The following ZNF746 variants were observed in gnomAD, a reference collection of about 807,000 sequenced individuals.
ZNF746 encodes the protein parkin-interacting substrate.
In ZNF746, 13 loss-of-function variants were observed where a neutral mutation model predicts 41.0. The observed-to-expected ratio is 0.32, with a 90% CI of 0.21 to 0.50. The LOEUF (loss-of-function observed/expected upper bound fraction) is 0.50, where lower values mean the gene tolerates loss of function less well. Ranked by LOEUF, ZNF746 falls within the 20% of genes least tolerant of loss-of-function variation. The probability of loss-of-function intolerance (pLI) is 0.98; values close to 1 mark genes in which losing one functional copy is unlikely to be tolerated. For synonymous variants in ZNF746, 424 were observed against 396.2 expected (o/e 1.07, Z -0.83); for missense variants, 811 against 922.9 (o/e 0.88, Z 1.57).
rs1563246858 is a variant in ZNF746, at chr7:149,474,494, CA to C, written c.1872del (p.Asp625IlefsTer18). On this transcript the variant is annotated frameshift_variant, in exon 7 of 7. Transcript: ENST00000458143. LOFTEE classifies it high-confidence loss of function. This position sits in a 1 kb window ranked among gnomAD's most constrained non-coding sequence, Gnocchi z 6.3. ...GQPLPTPPAP[P>X]DPFKSPASKG... ...TTGGAGGCGGGGCTCTTGAAGGGAT[CA>C]GGAGGTGCGGGCGGCGTCGGGAGTG... 6.2e-7 allele frequency: 1 copy of C among 1,610,440 alleles called. No homozygotes were observed. Among genetic ancestry groups the C allele is most frequent in the Admixed American group, 1.7e-5 (1 of 59,444 alleles).
chr7:149,475,959 T>C (rs1451377238), intron 6 of ZNF746, among the ~76,000 whole-genome samples: 1 of 152,236 alleles, frequency 6.6e-6, no homozygotes, highest in Non-Finnish European at 1.5e-5. Flanking sequence ...TAGTGAGCTA[T>C]TTGACATGCA....
At chr7:149,482,442 A>G (rs1174584989) in intron 4 of ZNF746, among the ~76,000 whole-genome samples, 1 of 151,686 alleles carries the variant, frequency 6.6e-6, no homozygotes, top group African/African-American at 2.4e-5. Context: ...TAGTAAACTA[A>G]CCAGGAAGAT....
Position 149,497,253 on chromosome 7 carries a change from G to C in ZNF746, c.24+260C>G, listed in dbSNP as rs1801035598. 1.0e-6 allele frequency: 1 copy of C among 984,848 alleles called. No individual in the cohort carries two copies. Among genetic ancestry groups the C allele is most frequent in the Non-Finnish European group, 1.2e-6 (1 of 829,540 alleles). The allele number at this position is 984,848 out of a possible 1,614,324, so 61.0% of individuals were successfully genotyped here. Reference sequence around the variant, plus strand: ...TGGGGCGGGGGCAGGAAGCCCCGGAGGGCCCAAAGAACTTGGCGTGGGGCG... The same window carrying C: ...TGGGGCGGGGGCAGGAAGCCCCGGACGGCCCAAAGAACTTGGCGTGGGGCG... On this transcript the variant is annotated intron_variant, in intron 1 of 6. Transcript: ENST00000458143. This position sits in a 1 kb window ranked among gnomAD's most constrained non-coding sequence, Gnocchi z 4.2.
At chr7:149,476,809 A>G (rs1050667806) in intron 6 of ZNF746, 113 bp downstream of exon 6, 13 of 1,430,350 alleles carry the variant, frequency 9.1e-6, no homozygotes, top group Non-Finnish European at 1.1e-5. Flanking sequence ...AGACACCCTA[A>G]TGTCTGTTGG....
In ZNF746 at chr7:149,497,318, C is replaced by G. The variant is rs1801039998; in HGVS notation, c.24+195G>C. 1 of 984,826 alleles carries G rather than the reference C, an allele frequency of 1.0e-6. No homozygotes were observed. The highest frequency in any genetic ancestry group is 1.7e-5 in the African/African-American group (1 of 57,188). 61.0% of individuals were successfully genotyped at this position (984,826 alleles called of 1,614,324 possible). On this transcript the variant is annotated intron_variant, in intron 1 of 6. Coordinates refer to ENST00000458143, the MANE Select transcript of ZNF746 (RefSeq NM_001394198.1). The surrounding 1 kb of genome is among the most constrained non-coding windows in gnomAD (Gnocchi z 4.2). Reference sequence around the variant, plus strand: ...CAACCGTTCCGCCAGCGCTCGGGTTCGGCTCGGAGTGGGGGCCCGGCCGAC... The same window carrying G: ...CAACCGTTCCGCCAGCGCTCGGGTTGGGCTCGGAGTGGGGGCCCGGCCGAC...
At chr7:149,492,783 C>T (rs1800846728) in intron 4 of ZNF746, 76 bp downstream of exon 4, 1 of 1,022,822 alleles carries the variant, frequency 9.8e-7, no homozygotes, top group Admixed American at 2.0e-5. Context: ...CTGGAAAGAT[C>T]ACACCCTTTC....
rs1206304576 is a variant in ZNF746 at position 149,497,471 on chromosome 7, GC to G, written c.24+41del. 19 of 1,083,426 alleles carry G rather than the reference GC, an allele frequency of 1.8e-5. No homozygotes were observed. Among genetic ancestry groups the G allele is most frequent in the South Asian group, 4.1e-5 (1 of 24,138 alleles). The allele number at this position is 1,083,426 out of a possible 1,614,324, so 67.1% of individuals were successfully genotyped here. A position where few individuals can be genotyped will look rare whatever the true frequency, so the allele number is the denominator to read the frequency against. On this transcript the variant is annotated intron_variant, in intron 1 of 6. Transcript: ENST00000458143. The surrounding 1 kb of genome is among the most constrained non-coding windows in gnomAD (Gnocchi z 4.2). ...GTGTGCCGGGGCCGGGCCGCCTGGGGCCCCCAGGCCGCGAGTCCCTGCGCGC... is the reference window on the plus strand; with the variant it reads ...GTGTGCCGGGGCCGGGCCGCCTGGGGCCCCAGGCCGCGAGTCCCTGCGCGC...
At chr7:149,492,477 TAG>T (rs1226351036) in intron 4 of ZNF746, among the ~76,000 whole-genome samples, 3 of 152,344 alleles carry the variant, frequency 2.0e-5, no homozygotes, top group Non-Finnish European at 2.9e-5. Flanking sequence ...GTTAACTTTT[TAG>T]AGAGTCAAAA....
At position 149,497,516 on chromosome 7, in the gene ZNF746, A is replaced by G; in HGVS notation, c.21T>C (p.Ala7=). The change falls in exon 1 of 7, where the codon GCT becomes GCC. Residue 7 remains alanine, a synonymous_variant. Transcript: ENST00000458143. The surrounding 1 kb of genome is among the most constrained non-coding windows in gnomAD (Gnocchi z 4.2). MAEAVA[A]PISPWTMAAT... is the part of the protein sequence containing the mutation. ...TGCGCGCGCGGGTCGCCCTTACCGG[A>G]GCCGCGACCGCCTCGGCCATGGCCC... 9.1e-7 allele frequency: 1 copy of G among 1,102,342 alleles called. No homozygotes were observed. The highest frequency in any genetic ancestry group is 1.1e-6 in the Non-Finnish European group (1 of 907,808). The allele number at this position is 1,102,342 out of a possible 1,614,324, so 68.3% of individuals were successfully genotyped here.
chr7:149,487,198 T>A (rs569588192), intron 4 of ZNF746, among the ~76,000 whole-genome samples: 3 of 152,148 alleles, frequency 2.0e-5, no homozygotes, highest in Non-Finnish European at 4.4e-5. Context: ...CGGTCCCCCA[T>A]TGGTGGAAAA....
At chr7:149,479,581 G>C (rs556337322) in intron 4 of ZNF746, among the ~76,000 whole-genome samples, 1 of 152,162 alleles carries the variant, frequency 6.6e-6, no homozygotes, top group Non-Finnish European at 1.5e-5. Flanking sequence ...AGAGCTCAAG[G>C]ATAACACTAG....
intron 4 of ZNF746, chr7:149,488,363 G>T (rs1800687889): frequency 2.0e-5 from 3 of 152,086 alleles, no homozygotes. Context: ...TACAGAAAAA[G>T]CACAGATCAT....
intron 4 of ZNF746, among the ~76,000 whole-genome samples, chr7:149,483,851 A>G (rs1447450926): frequency 6.6e-6 from 1 of 152,220 alleles, no homozygotes; most frequent in Non-Finnish European, 1.5e-5. Context: ...TGGGAGAGAC[A>G]GCACCAATAA....
chr7:149,478,824 G>A (rs1563250428), intron 4 of ZNF746, among the ~76,000 whole-genome samples: 2 of 152,184 alleles, frequency 1.3e-5, no homozygotes, highest in African/African-American at 2.4e-5. Context: ...GAAAAAGGCA[G>A]ATTTGAAAAA....
chr7:149,477,805 T>C, intron 4 of ZNF746, 50 bp from the exon 5 acceptor site: 1 of 1,478,416 alleles, frequency 6.8e-7, no homozygotes, highest in Admixed American at 2.0e-5. Context: ...CCCTCAGCCC[T>C]GGGGCATACA....
chr7:149,496,892 C>T, intron 1 of ZNF746: 1 of 985,436 alleles, frequency 1.0e-6, no homozygotes, highest in African/African-American at 1.7e-5. Flanking sequence ...TTCACACTTT[C>T]CAGCTGGGTA....
Position 149,477,771 on chromosome 7 carries a change from A to G in ZNF746, c.566-16T>C. On this transcript the variant is annotated splice_polypyrimidine_tract_variant and intron_variant, in intron 4 of 6. Transcript: ENST00000458143. ...GGCCCCGAGCCTAGGAAAGGGAGTG[A>G]GTGTGAGGATACAGCATCACGGCCC... 1 of 1,591,670 alleles carries G rather than the reference A, an allele frequency of 6.3e-7. No individual in the cohort carries two copies. The highest frequency in any genetic ancestry group is 1.1e-5 in the South Asian group (1 of 89,394).
intron 1 of ZNF746, among the ~76,000 whole-genome samples, chr7:149,495,377 T>C (rs748754738): frequency 1.3e-5 from 2 of 152,194 alleles, no homozygotes; most frequent in Non-Finnish European, 1.5e-5. Context: ...ACAGTTAGAC[T>C]TGTATATGGA....
At chr7:149,484,382 A>G (rs1236106374) in intron 4 of ZNF746, among the ~76,000 whole-genome samples, 1 of 152,242 alleles carries the variant, frequency 6.6e-6, no homozygotes, top group Admixed American at 6.5e-5. Flanking sequence ...TCAACATTAG[A>G]AAGTAACATA....
Sources: allele counts gnomAD v4.1 joint callset (sites outside exome capture counted in the v4.1 genomes callset), GRCh38; gene constraint gnomAD v4.1.1; non-coding constraint Gnocchi (gnomAD v3.1); transcripts MANE v1.5; gene names NCBI Gene and HGNC (gene_info 2026-07-23, HGNC 2026-07-21).